The following SYNE2 variants were observed in gnomAD, a reference collection of about 807,000 sequenced individuals.
The protein encoded by SYNE2 is spectrin repeat containing nuclear envelope protein 2, also known as nesprin-2.
SYNE2 carries 431 observed loss-of-function variants against 856.3 expected under a neutral mutation model. The ratio of observed to expected loss-of-function variants is 0.50; its 90% CI spans 0.47 to 0.55. The LOEUF is 0.55. Among genes scored for constraint, SYNE2 ranks in the 20% least tolerant of loss-of-function variants. The pLI, the probability that SYNE2 is intolerant of heterozygous loss-of-function variation, is 0.00. For missense variants in SYNE2, 8,129 were observed against 8,023.2 expected, an observed-to-expected ratio of 1.01 and a Z score of -0.50; for synonymous variants, 2,923 against 2,872.3, an observed-to-expected ratio of 1.02 and a Z score of -0.56.
chr14:63,865,255 C>G (rs990679956), intron 1 of SYNE2, among the ~76,000 whole-genome samples: 5 of 129,876 alleles, frequency 3.8e-5, no homozygotes, highest in African/African-American at 1.5e-4. Context: ...TATATGAGCC[C>G]TAATTCTTCA....
chr14:64,167,370 G>T lies in SYNE2; in HGVS notation c.16743G>T (p.Thr5581=), dbSNP rs138769395. The T allele has an allele frequency of 6.2e-7, 1 of 1,614,090 alleles. No individual in the cohort carries two copies. Among genetic ancestry groups the T allele is most frequent in the Non-Finnish European group, 8.5e-7 (1 of 1,180,052 alleles). Reference sequence around the variant, plus strand: ...GGCAATGGATTCGGGCCACGGCCACGGCACTGGAGCGCTGCAGGTTAGAAC... The same window carrying T: ...GGCAATGGATTCGGGCCACGGCCACTGCACTGGAGCGCTGCAGGTTAGAAC... ...MNRQWIRATA[T]ALERCSELQG... Residue 5581 remains threonine (T), a synonymous_variant, in exon 91 of 116, where the codon ACG becomes ACT. Transcript: ENST00000555002.
intron 61 of SYNE2, among the ~76,000 whole-genome samples, chr14:64,096,685 G>T (rs2097680308): frequency 6.6e-6 from 1 of 152,206 alleles, no homozygotes; most frequent in African/African-American, 2.4e-5. Context: ...AGAAATGTGT[G>T]CAGTACAGCC....
chr14:63,809,339 C>T (rs1254473193), intron 1 of SYNE2, among the ~76,000 whole-genome samples: 1 of 152,052 alleles, frequency 6.6e-6, no homozygotes, highest in African/African-American at 2.4e-5. Context: ...TGAATTTTCT[C>T]AATATTAAGA....
At chr14:63,867,271 T>C (rs1342671075) in intron 1 of SYNE2, among the ~76,000 whole-genome samples, 1 of 152,018 alleles carries the variant, frequency 6.6e-6, no homozygotes, top group African/African-American at 2.4e-5. Flanking sequence ...GCACAGCACA[T>C]TTATATGAGC....
chr14:64,164,117 T>TATTTATTG, intron 89 of SYNE2, among the ~76,000 whole-genome samples: 1 of 150,580 alleles, frequency 6.6e-6, no homozygotes, highest in South Asian at 2.1e-4. Flanking sequence ...TTTATTTATT[T>TATTTATTG]ATTTATTTAT....
chr14:64,051,775 A>G lies in SYNE2; in HGVS notation c.7862A>G (p.Gln2621Arg), dbSNP rs1459579829. The G allele has an allele frequency of 3.1e-6, 5 of 1,614,216 alleles. No individual in the cohort carries two copies. The highest frequency in any genetic ancestry group is 1.6e-4 in the Middle Eastern group (1 of 6,062). The change falls in exon 48 of 116, where the codon CAG becomes CGG. Residue 2621 changes from glutamine (Q) to arginine (R), a missense_variant. Gln to Arg is a conservative substitution (Grantham distance 43). This residue lies in a region of SYNE2 where 5,410 missense variants were observed against 5,284.8 expected (regional missense o/e 1.02). Coordinates refer to ENST00000555002, the MANE Select transcript of SYNE2 (RefSeq NM_182914.3). ...CAGATTCAAAAGAAGTATTCTCAGC[A>G]GGTAGTGGAATATGATGAATTTACA... The part of the protein sequence containing the change: ...EQQIQKKYSQ[Q>R]VVEYDEFTTL...
intron 57 of SYNE2, among the ~76,000 whole-genome samples, chr14:64,087,093 T>TAAAAAAAAAAAAA (rs56917782): frequency 1.0e-5 from 1 of 98,420 alleles, no homozygotes; most frequent in Non-Finnish European, 1.9e-5. Context: ...TGATAATTGG[T>TAAAAAAAAAAAAA]AAAAAAAAAA....
rs1173296100 is a variant in SYNE2 at position 64,126,388 on chromosome 14, C to T, written c.13616C>T (p.Thr4539Ile). Reference sequence around the variant, plus strand: ...AAAAAATTGTTTGAACTATTCCTGACCCTCAGTCAGTGCCTCAGCAGTGTG... The same window carrying T: ...AAAAAATTGTTTGAACTATTCCTGATCCTCAGTCAGTGCCTCAGCAGTGTG... ...LDKKLFELFL[T>I]LSQCLSSVEE... Residue 4539 changes from threonine to isoleucine, a missense_variant, in exon 72 of 116, where the codon ACC (threonine) becomes ATC (isoleucine). Thr to Ile is a moderately conservative substitution (Grantham distance 89). Transcript: ENST00000555002. 3 of 1,614,102 alleles carry T rather than the reference C, an allele frequency of 1.9e-6. No homozygotes were observed. The highest frequency in any genetic ancestry group is 1.7e-6 in the Non-Finnish European group (2 of 1,179,980).
chr14:64,212,814 T>G lies in SYNE2; in HGVS notation c.18865T>G (p.Phe6289Val). ...TTTCTTTCTCCTCTCTCAACAGGGC[T>G]TCCAACAGGAAATTACATTAAATAC... is the stretch of plus-strand genomic sequence containing the variant. ...ADDKMRQLNGFQQEITLNTNK... is the reference protein window; with the variant it reads ...ADDKMRQLNGVQQEITLNTNK... The change falls in exon 105 of 116, where the codon TTC becomes GTC. Residue 6289 changes from phenylalanine to valine, a missense_variant. Phe to Val is a conservative substitution (Grantham distance 50). Coordinates refer to ENST00000555002, the MANE Select transcript of SYNE2 (RefSeq NM_182914.3). 1 of 1,614,222 alleles carries G rather than the reference T, an allele frequency of 6.2e-7. No individual in the cohort carries two copies. Among genetic ancestry groups the G allele is most frequent in the Non-Finnish European group, 8.5e-7 (1 of 1,180,008 alleles).
chr14:63,955,019 G>T, intron 8 of SYNE2, 104 bp downstream of exon 8: 2 of 926,904 alleles, frequency 2.2e-6, no homozygotes, highest in Non-Finnish European at 1.7e-6. Context: ...CTCTATTTTA[G>T]TCCTGGAGGG....
chr14:63,798,329 T>C (rs1888000816), intron 1 of SYNE2, among the ~76,000 whole-genome samples: 1 of 151,892 alleles, frequency 6.6e-6, no homozygotes, highest in African/African-American at 2.4e-5. Context: ...GAATTACAGG[T>C]GTGACCCTCT....
At chr14:64,141,551 A>C in intron 81 of SYNE2, 28 bp downstream of exon 81, 1 of 1,605,728 alleles carries the variant, frequency 6.2e-7, no homozygotes, top group Non-Finnish European at 8.5e-7. Flanking sequence ...CAGCATTTGA[A>C]TTAGCATTCA....
chr14:64,166,040 T>A (rs1013258460), intron 90 of SYNE2, among the ~76,000 whole-genome samples: 9 of 152,222 alleles, frequency 5.9e-5, no homozygotes, highest in African/African-American at 2.2e-4. Flanking sequence ...AAAATTCTAT[T>A]ATGCATTTTT....
chr14:64,051,863 G>A lies in SYNE2; in HGVS notation c.7950G>A (p.Gln2650=), dbSNP rs745507139. The change falls in exon 48 of 116, where the codon CAG becomes CAA. Residue 2650 remains glutamine (Q), a synonymous_variant. Transcript: ENST00000555002. ...TGCAACAGCAGCAGCAACATCTACA[G>A]TTAAGGCTGAAGTCTCCAGAAGAAC... ...ISLQQQQQHL[Q]LRLKSPEERA... 8.7e-6 allele frequency: 14 copies of A among 1,613,936 alleles called. No individual in the cohort carries two copies. Among genetic ancestry groups the A allele is most frequent in the Non-Finnish European group, 1.1e-5 (13 of 1,180,038 alleles).
At chr14:64,083,370 C>CT (rs767380961) in intron 57 of SYNE2, among the ~76,000 whole-genome samples, 85 of 142,132 alleles carry the variant, frequency 6.0e-4, no homozygotes, top group Admixed American at 5.0e-4. Flanking sequence ...AGGAATGATG[C>CT]TTTTTTTTTT....
rs1288324378 is a variant in SYNE2, at chr14:64,225,980, T to TTTAA, written c.*456_*459dup. ...TAGCTGATGGAAACAATCAATCATATTTAATACGCTTAGAATCAGTTTTAC... is the reference window on the plus strand; with the variant it reads ...TAGCTGATGGAAACAATCAATCATATTTAATTAATACGCTTAGAATCAGTTTTAC... On this transcript the variant is annotated 3_prime_UTR_variant, in exon 116 of 116. Transcript: ENST00000555002. The TTTAA allele has an allele frequency of 3.5e-6, 1 of 282,358 alleles. No individual in the cohort carries two copies. The highest frequency in any genetic ancestry group is 6.7e-6 in the Non-Finnish European group (1 of 149,276). The allele number at this position is 282,358 out of a possible 1,614,324, so 17.5% of individuals were successfully genotyped here.
chr14:64,213,062 C>G (rs1342355759), intron 105 of SYNE2, 57 bp downstream of exon 105: 6 of 1,584,618 alleles, frequency 3.8e-6, no homozygotes, highest in Non-Finnish European at 5.2e-6. Flanking sequence ...TACGTGAGAC[C>G]AAATTTTTAA....
At chr14:64,174,088 T>C in intron 94 of SYNE2, 1 of 497,802 alleles carries the variant, frequency 2.0e-6, no homozygotes, top group Non-Finnish European at 3.5e-6. Context: ...TTTTTTTTCC[T>C]TGAGACAAAG....
chr14:64,060,795 G>C (rs999346965), intron 49 of SYNE2, among the ~76,000 whole-genome samples: 3 of 152,188 alleles, frequency 2.0e-5, no homozygotes, highest in African/African-American at 7.2e-5. Flanking sequence ...AGCCCAAGGT[G>C]GCGAGGCTTG....
Sources: allele counts gnomAD v4.1 joint callset (sites outside exome capture counted in the v4.1 genomes callset), GRCh38; gene constraint gnomAD v4.1.1; regional missense constraint gnomAD v4.1.1; transcripts MANE v1.5; gene names NCBI Gene and HGNC (gene_info 2026-07-23, HGNC 2026-07-21).